The following MSH3 variants were observed in gnomAD, a reference collection of about 807,000 sequenced individuals.
MSH3 encodes the protein mutS homolog 3, also known as DNA mismatch repair protein Msh3.
A neutral mutation model predicts 123.3 loss-of-function variants in MSH3; 106 were observed. The observed-to-expected ratio is 0.86, with a 90% CI of 0.73 to 1.01. The LOEUF is 1.01. Ranked by LOEUF, MSH3 falls within the 50% of genes least tolerant of loss-of-function variation. The probability of loss-of-function intolerance (pLI) is 0.00; values close to 1 mark genes in which losing one functional copy is unlikely to be tolerated. For synonymous variants in MSH3, 515 were observed against 481.4 expected, an observed-to-expected ratio of 1.07 and a Z score of -0.91; for missense variants, 1,459 against 1,347.6, an observed-to-expected ratio of 1.08 and a Z score of -1.29.
intron 18 of MSH3, among the ~76,000 whole-genome samples, chr5:80,788,874 T>G (rs1744561142): frequency 1.3e-5 from 2 of 152,266 alleles, no homozygotes; most frequent in African/African-American, 4.8e-5. Context: ...TTCAAATGTT[T>G]TATTCTTTCC....
intron 8 of MSH3, among the ~76,000 whole-genome samples, chr5:80,690,274 C>T (rs556309727): frequency 6.6e-6 from 1 of 152,136 alleles, no homozygotes; most frequent in Non-Finnish European, 1.5e-5. Context: ...GTTTGCCCTC[C>T]GTTGGGTACC....
At chr5:80,791,513 A>C (rs1428402894) in intron 18 of MSH3, among the ~76,000 whole-genome samples, 1 of 152,214 alleles carries the variant, frequency 6.6e-6, no homozygotes, top group African/African-American at 2.4e-5. Flanking sequence ...TACCCATTTC[A>C]GATATATATG....
chr5:80,727,384 T>C (rs1269165122), intron 9 of MSH3, among the ~76,000 whole-genome samples: 1 of 152,230 alleles, frequency 6.6e-6, no homozygotes, highest in African/African-American at 2.4e-5. Context: ...ATTTTACTGA[T>C]TTGTAGAGAA....
At chr5:80,711,798 G>A (rs1750864369) in intron 8 of MSH3, among the ~76,000 whole-genome samples, 1 of 151,872 alleles carries the variant, frequency 6.6e-6, no homozygotes, top group Non-Finnish European at 1.5e-5. Flanking sequence ...GGGACTACAG[G>A]CCTGCACCAC....
At chr5:80,807,190 C>CAAAAAAA (rs34405208) in intron 19 of MSH3, among the ~76,000 whole-genome samples, 5 of 91,410 alleles carry the variant, frequency 5.5e-5, no homozygotes, top group Admixed American at 1.3e-4. Context: ...TACCCTGTCT[C>CAAAAAAA]AAAAAAAAAA....
rs1412367286 is a variant in MSH3 at position 80,873,525 on chromosome 5, G to T, written c.3302+238G>T. Among the ~76,000 whole-genome samples the T allele has an allele frequency of 1.6e-4, 25 of 152,078 alleles. 1 individual carries two copies. Among genetic ancestry groups the T allele is most frequent in the Non-Finnish European group, 3.7e-4 (25 of 68,028 alleles). ...TTGGTTTTTCGGTCATTTTTATAAA[G>T]AATTAAGTTAACTCCTTAATATGTG... On this transcript the variant is annotated intron_variant, in intron 23 of 23. Transcript: ENST00000265081.
intron 19 of MSH3, among the ~76,000 whole-genome samples, chr5:80,800,186 C>G (rs559058929): frequency 1.4e-4 from 21 of 152,366 alleles, no homozygotes; most frequent in Non-Finnish European, 2.8e-4. Context: ...GCAGTCCTCT[C>G]TAGTTGTTAT....
chr5:80,758,288 G>C (rs1476390658), intron 12 of MSH3, among the ~76,000 whole-genome samples: 1 of 152,152 alleles, frequency 6.6e-6, no homozygotes, highest in East Asian at 1.9e-4. Context: ...CTTCCATGCT[G>C]TTCTTTGTAG....
intron 8 of MSH3, among the ~76,000 whole-genome samples, chr5:80,706,292 A>C (rs1291977715): frequency 6.6e-6 from 1 of 152,190 alleles, no homozygotes; most frequent in Non-Finnish European, 1.5e-5. Context: ...CAAAAGGCGT[A>C]TGATTGAGTG....
chr5:80,762,877 ACT>A (rs1744066071), intron 13 of MSH3, among the ~76,000 whole-genome samples: 3 of 138,066 alleles, frequency 2.2e-5, no homozygotes. Flanking sequence ...ACAGACTTTT[ACT>A]CTCGTCACCC....
At chr5:80,837,314 C>T (rs1056563213) in intron 20 of MSH3, among the ~76,000 whole-genome samples, 1 of 152,124 alleles carries the variant, frequency 6.6e-6, no homozygotes, top group African/African-American at 2.4e-5. Context: ...CACGGTGGCT[C>T]ACGCCTATTA....
chr5:80,660,718 T>G (rs892825418), intron 2 of MSH3, among the ~76,000 whole-genome samples: 1 of 152,192 alleles, frequency 6.6e-6, no homozygotes, highest in African/African-American at 2.4e-5. Context: ...AGATTTTCTC[T>G]TAATCACTGA....
At chr5:80,688,333 T>C (rs1750140268) in intron 8 of MSH3, among the ~76,000 whole-genome samples, 1 of 152,366 alleles carries the variant, frequency 6.6e-6, no homozygotes, top group African/African-American at 2.4e-5. Context: ...CTTTCAGTGT[T>C]AGAAATACCT....
intron 20 of MSH3, among the ~76,000 whole-genome samples, chr5:80,847,931 G>A (rs1170391901): frequency 6.6e-6 from 1 of 152,060 alleles, no homozygotes; most frequent in Non-Finnish European, 1.5e-5. Context: ...TATCTTCCAG[G>A]TTTAAAAACT....
At chr5:80,681,945 G>T (rs1236079250) in intron 8 of MSH3, among the ~76,000 whole-genome samples, 3 of 152,024 alleles carry the variant, frequency 2.0e-5, no homozygotes, top group Non-Finnish European at 4.4e-5. Context: ...GCCTGCTTTT[G>T]TCTTATTTTA....
At chr5:80,701,742 G>A (rs1430066959) in intron 8 of MSH3, among the ~76,000 whole-genome samples, 1 of 152,120 alleles carries the variant, frequency 6.6e-6, no homozygotes, top group Non-Finnish European at 1.5e-5. Context: ...TCTTTGTAAT[G>A]ACTTCTTCCT....
rs1479129099 is a variant in MSH3, at chr5:80,784,230, A to G, written c.2436-3335A>G. On this transcript the variant is annotated intron_variant, in intron 17 of 23. Coordinates refer to ENST00000265081, the MANE Select transcript of MSH3 (RefSeq NM_002439.5). ...TACGTCGCAAAAAAAAAAAAAAAAA[A>G]AAAAAAAAAGGGAAATAAATAAATA... is the stretch of plus-strand genomic sequence containing the variant. Among the ~76,000 whole-genome samples, 5 of 135,856 alleles carry G rather than the reference A, an allele frequency of 3.7e-5. 2 individuals carry two copies. The highest frequency in any genetic ancestry group is 9.3e-5 in the African/African-American group (3 of 32,162). The allele number at this position is 135,856 out of a possible 152,430, so 89.1% of individuals were successfully genotyped here. A position where few individuals can be genotyped will look rare whatever the true frequency, so the allele number is the denominator to read the frequency against.
intron 8 of MSH3, among the ~76,000 whole-genome samples, chr5:80,705,670 G>A (rs1267924677): frequency 6.6e-6 from 1 of 152,210 alleles, no homozygotes; most frequent in Non-Finnish European, 1.5e-5. Flanking sequence ...AAATATCAAA[G>A]TATGAACAGT....
intron 22 of MSH3, among the ~76,000 whole-genome samples, chr5:80,871,361 A>G (rs1444029200): frequency 6.6e-6 from 1 of 152,224 alleles, no homozygotes; most frequent in Non-Finnish European, 1.5e-5. Flanking sequence ...TTATTACCTC[A>G]TAATTTCTGT....
Sources: gnomAD v4.1 joint callset for allele counts (sites outside exome capture counted in the v4.1 genomes callset) on GRCh38, gnomAD v4.1.1 for gene constraint, MANE v1.5 for transcripts, NCBI Gene and HGNC (gene_info 2026-07-23, HGNC 2026-07-21) for gene names.